Variants in RCOR1 observed in about 807,000 individuals in gnomAD.
The protein encoded by RCOR1 is REST corepressor 1, also known as REST corepressor.
RCOR1 carries 12 observed loss-of-function variants against 64.0 expected under a neutral mutation model. That is an observed-to-expected ratio of 0.19 (90% confidence interval 0.12 to 0.30). The LOEUF (loss-of-function observed/expected upper bound fraction) is 0.30, where lower values mean the gene tolerates loss of function less well. Among genes scored for constraint, RCOR1 ranks in the 10% least tolerant of loss-of-function variants. The pLI, the probability that RCOR1 is intolerant of heterozygous loss-of-function variation, is 1.00. For missense variants in RCOR1, 502 were observed against 621.2 expected (o/e 0.81, Z 2.04); for synonymous variants, 279 against 227.2 (o/e 1.23, Z -2.05).
At chr14:102,602,687 G>A (rs1385965844) in intron 2 of RCOR1, among the ~76,000 whole-genome samples, 1 of 152,072 alleles carries the variant, frequency 6.6e-6, no homozygotes, top group African/African-American at 2.4e-5. Context: ...GATTACAGAC[G>A]TGATCCACTG....
intron 2 of RCOR1, among the ~76,000 whole-genome samples, chr14:102,608,944 A>G (rs1037792526): frequency 1.3e-5 from 2 of 150,910 alleles, no homozygotes; most frequent in Non-Finnish European, 2.9e-5. Flanking sequence ...ATTCATGTAC[A>G]GGTATTTATC....
At chr14:102,710,526 C>T (rs531119687) in intron 6 of RCOR1, among the ~76,000 whole-genome samples, 1 of 152,108 alleles carries the variant, frequency 6.6e-6, no homozygotes, top group Admixed American at 6.6e-5. Flanking sequence ...GGTTTATTCC[C>T]AATGCAGTGG....
chr14:102,690,873 C>T (rs948479985), intron 3 of RCOR1, among the ~76,000 whole-genome samples: 3 of 152,160 alleles, frequency 2.0e-5, no homozygotes, highest in Admixed American at 6.5e-5. Context: ...CCCCTCTTGG[C>T]ATGTGGTGGG....
Position 102,726,797 on chromosome 14 carries a change from AG to A in RCOR1, c.*292del, listed in dbSNP as rs1226852729. ...CTCTGGGAACCGCCTCTCCCGCCGG[AG>A]CCCCCGAGCCCCACCAATGGCAGCT... On this transcript the variant is annotated 3_prime_UTR_variant, in exon 12 of 12. Transcript: ENST00000262241. 4 of 389,566 alleles carry A rather than the reference AG, an allele frequency of 1.0e-5. No individual in the cohort carries two copies. The highest frequency in any genetic ancestry group is 1.8e-5 in the Non-Finnish European group (4 of 219,182). 24.1% of individuals were successfully genotyped at this position (389,566 alleles called of 1,614,324 possible).
chr14:102,594,954 A>C (rs1224398605), intron 2 of RCOR1, among the ~76,000 whole-genome samples: 1 of 152,196 alleles, frequency 6.6e-6, no homozygotes, highest in Non-Finnish European at 1.5e-5. Context: ...CATTTTTGTT[A>C]ACATAAATTT....
intron 4 of RCOR1, among the ~76,000 whole-genome samples, chr14:102,704,951 C>T (rs1895820439): frequency 6.6e-6 from 1 of 151,852 alleles, no homozygotes; most frequent in African/African-American, 2.4e-5. Flanking sequence ...ATGGTGACAC[C>T]TCATCTCTAA....
intron 2 of RCOR1, among the ~76,000 whole-genome samples, chr14:102,618,116 G>A (rs1239630645): frequency 2.0e-5 from 3 of 151,708 alleles, no homozygotes. Context: ...TGGGATTACA[G>A]GCGTGCCCCA....
intron 4 of RCOR1, 24 bp downstream of exon 4, chr14:102,701,354 T>G (rs769786024): frequency 1.3e-5 from 20 of 1,542,570 alleles, no homozygotes; most frequent in Non-Finnish European, 1.4e-5. Flanking sequence ...TTTCTTTCTT[T>G]TGCTGTTAAA....
At chr14:102,722,453 G>A (rs757493721) in intron 11 of RCOR1, 37 bp downstream of exon 11, 1 of 1,526,044 alleles carries the variant, frequency 6.6e-7, no homozygotes, top group Non-Finnish European at 9.0e-7. Flanking sequence ...CTCTTGTCAG[G>A]TTCACGCTTG....
At chr14:102,596,927 CA>C (rs1893263651) in intron 2 of RCOR1, among the ~76,000 whole-genome samples, 1 of 143,148 alleles carries the variant, frequency 7.0e-6, no homozygotes, top group African/African-American at 2.6e-5. Flanking sequence ...GGCTGGAGTG[CA>C]ATGGCACAAT....
intron 8 of RCOR1, among the ~76,000 whole-genome samples, chr14:102,719,236 TTTCTTC>T (rs201715877): frequency 6.6e-6 from 1 of 151,844 alleles, no homozygotes; most frequent in South Asian, 2.1e-4. Context: ...AGCCTAGATA[TTTCTTC>T]TTCTTCTTCT....
At chr14:102,682,079 CTATTT>C (rs948997264) in intron 3 of RCOR1, 101 bp downstream of exon 3, 58 of 662,668 alleles carry the variant, frequency 8.8e-5, no homozygotes, top group Admixed American at 6.0e-5. Context: ...AATTTCTTTT[CTATTT>C]TAAGATAAAT....
At position 102,594,999 on chromosome 14, in the gene RCOR1, A is replaced by T. The variant is rs534483988; in HGVS notation, c.361+1674A>T. 1.2e-4 allele frequency among the ~76,000 whole-genome samples: 18 copies of T among 152,346 alleles called. No individual in the cohort carries two copies. In the East Asian group the frequency reaches 2.9e-3, roughly 24 times the overall value. ...TATGTAGATGTGTTGGATGTGACTA[A>T]GGAAAAGGGCATATTTGTCAACAAC... On this transcript the variant is annotated intron_variant, in intron 2 of 11. Coordinates refer to ENST00000262241, the MANE Select transcript of RCOR1 (RefSeq NM_015156.4).
chr14:102,658,594 C>T, intron 2 of RCOR1: 1 of 985,402 alleles, frequency 1.0e-6, no homozygotes, highest in Non-Finnish European at 1.2e-6. Flanking sequence ...ACCCCCCATC[C>T]TTTTCCTGTA....
intron 2 of RCOR1, among the ~76,000 whole-genome samples, chr14:102,672,454 C>T (rs890774412): frequency 6.6e-5 from 10 of 152,084 alleles, no homozygotes; most frequent in South Asian, 6.2e-4. Flanking sequence ...CCTCATGATC[C>T]GCCCGCCTCG....
At chr14:102,687,688 CTGGAGGG>C (rs2139966353) in intron 3 of RCOR1, among the ~76,000 whole-genome samples, 1 of 152,290 alleles carries the variant, frequency 6.6e-6, no homozygotes, top group African/African-American at 2.4e-5. Context: ...CATGTGTAAT[CTGGAGGG>C]TGGCAGACTG....
Position 102,619,535 on chromosome 14 carries a change from T to C in RCOR1, c.361+26210T>C, listed in dbSNP as rs143142911. On this transcript the variant is annotated intron_variant, in intron 2 of 11. Coordinates refer to ENST00000262241, the MANE Select transcript of RCOR1 (RefSeq NM_015156.4). The stretch of plus-strand genomic sequence containing the variant: ...TTGCTCTGTTGCCCAGGCTGGACTG[T>C]AGTGGCGTGATCTTGCCTCACTGCA... Among the ~76,000 whole-genome samples the C allele has an allele frequency of 5.3e-3, 796 of 151,208 alleles. 6 individuals are homozygous for C. Among genetic ancestry groups the C allele is most frequent in the African/African-American group, 0.019 (769 of 41,066 alleles).
intron 2 of RCOR1, chr14:102,657,303 T>C: frequency 2.0e-6 from 2 of 985,344 alleles, no homozygotes; most frequent in Non-Finnish European, 2.4e-6. Context: ...TTAGGCGATA[T>C]GTCCTCATGT....
intron 10 of RCOR1, 123 bp downstream of exon 10, chr14:102,721,500 A>G (rs1896167623): frequency 1.6e-6 from 1 of 616,068 alleles, no homozygotes; most frequent in Non-Finnish European, 2.9e-6. Flanking sequence ...GCATTGATCC[A>G]TGATCACACC....
Sources: gnomAD v4.1 joint callset for allele counts (sites outside exome capture counted in the v4.1 genomes callset) on GRCh38, gnomAD v4.1.1 for gene constraint, MANE v1.5 for transcripts, NCBI Gene and HGNC (gene_info 2026-07-23, HGNC 2026-07-21) for gene names.